The following PLD5 variants were observed in gnomAD, a reference collection of about 807,000 sequenced individuals.
PLD5 encodes the protein phospholipase D family member 5.
A neutral mutation model predicts 61.1 loss-of-function variants in PLD5; 36 were observed. That is an observed-to-expected ratio of 0.59 (90% CI 0.45 to 0.78). PLD5 has a LOEUF of 0.78. PLD5 is among the 30% of genes least tolerant of loss of function. PLD5 has a pLI of 0.00. For synonymous variants in PLD5, 243 were observed against 242.8 expected (o/e 1.00, Z -0.01); for missense variants, 515 against 644.4 (o/e 0.80, Z 2.17).
chr1:242,267,706 C>T (rs554271961), intron 3 of PLD5, among the ~76,000 whole-genome samples: 1 of 150,154 alleles, frequency 6.7e-6, no homozygotes. Flanking sequence ...ATCAGGAGAC[C>T]CTGTCTCTAC....
intron 2 of PLD5, among the ~76,000 whole-genome samples, chr1:242,342,252 T>C (rs1195465967): frequency 6.6e-6 from 1 of 151,902 alleles, no homozygotes; most frequent in East Asian, 1.9e-4. Flanking sequence ...AGTGGTGGAG[T>C]AGCAACTGAA....
intron 1 of PLD5, among the ~76,000 whole-genome samples, chr1:242,432,759 G>C (rs1665786790): frequency 6.6e-6 from 1 of 152,004 alleles, no homozygotes; most frequent in African/African-American, 2.4e-5. Context: ...AATTAGATTT[G>C]TGATGTGGGA....
Position 242,089,717 on chromosome 1 carries a change from T to G in PLD5, c.*137A>C. ...CTAAGATATTGTTAGATAGGTATTA[T>G]GTGTTGTTCAGAGAATATTTTTTAT... On this transcript the variant is annotated 3_prime_UTR_variant, in exon 10 of 10. Coordinates refer to ENST00000536534, the MANE Select transcript of PLD5 (RefSeq NM_001372062.1). 1 of 1,100,662 alleles carries G rather than the reference T, an allele frequency of 9.1e-7. No homozygotes were observed. Among genetic ancestry groups the G allele is most frequent in the Non-Finnish European group, 1.3e-6 (1 of 758,626 alleles). 68.2% of individuals were successfully genotyped at this position (1,100,662 alleles called of 1,614,324 possible). A position where few individuals can be genotyped will look rare whatever the true frequency, so the allele number is the denominator to read the frequency against.
intron 1 of PLD5, among the ~76,000 whole-genome samples, chr1:242,425,639 CTTTTTT>C (rs35709516): frequency 0.069 from 8,952 of 129,774 alleles, 254 homozygotes; most frequent in African/African-American, 0.12. Context: ...CTTACTGTAA[CTTTTTT>C]TTTTTTTTTT....
At chr1:242,094,607 T>A (rs1401276800) in intron 9 of PLD5, among the ~76,000 whole-genome samples, 2 of 152,176 alleles carry the variant, frequency 1.3e-5, no homozygotes, top group Non-Finnish European at 2.9e-5. Flanking sequence ...TGTGCTTCAG[T>A]CTAGGGAATT....
intron 1 of PLD5, among the ~76,000 whole-genome samples, chr1:242,470,348 A>G (rs1260096307): frequency 7.4e-6 from 1 of 134,852 alleles, no homozygotes; most frequent in Non-Finnish European, 1.6e-5. Flanking sequence ...TCTCAAAGAA[A>G]AAAAAAAAAG....
chr1:242,293,922 T>G (rs181297894), intron 2 of PLD5, among the ~76,000 whole-genome samples: 226 of 152,338 alleles, frequency 1.5e-3, no homozygotes, highest in African/African-American at 5.2e-3. Context: ...ATAGTTTTAT[T>G]TCTTTTAAAA....
chr1:242,321,829 A>C (rs972823757), intron 2 of PLD5, among the ~76,000 whole-genome samples: 1 of 151,964 alleles, frequency 6.6e-6, no homozygotes, highest in African/African-American at 2.4e-5. Context: ...CAATTAATCA[A>C]CCTTTTGTGA....
intron 1 of PLD5, among the ~76,000 whole-genome samples, chr1:242,447,526 C>T (rs1360858083): frequency 6.6e-6 from 1 of 152,152 alleles, no homozygotes; most frequent in Admixed American, 6.5e-5. Flanking sequence ...CTAGGTGGTC[C>T]CTGTTAAATT....
At chr1:242,107,981 A>G in intron 7 of PLD5, 142 bp from the exon 8 acceptor site, 1 of 760,398 alleles carries the variant, frequency 1.3e-6, no homozygotes, top group African/African-American at 1.8e-5. Flanking sequence ...GGAGAGGCTG[A>G]AAAACATACA....
At chr1:242,234,714 G>T (rs905742601) in intron 4 of PLD5, among the ~76,000 whole-genome samples, 1 of 152,128 alleles carries the variant, frequency 6.6e-6, no homozygotes, top group Non-Finnish European at 1.5e-5. Flanking sequence ...CCCTGGACGT[G>T]TGGGCACCAG....
upstream of PLD5, among the ~76,000 whole-genome samples, chr1:242,524,960 G>C (rs965240625): frequency 6.6e-5 from 10 of 151,990 alleles, no homozygotes; most frequent in Admixed American, 4.6e-4. Flanking sequence ...GCGCCTCCTC[G>C]GTCCTGCTGG....
At chr1:242,400,024 C>T (rs950082999) in intron 1 of PLD5, among the ~76,000 whole-genome samples, 9 of 152,126 alleles carry the variant, frequency 5.9e-5, no homozygotes, top group East Asian at 1.9e-4. Flanking sequence ...CAAAATCAGC[C>T]GGGCTTGGTG....
intron 2 of PLD5, among the ~76,000 whole-genome samples, chr1:242,301,827 GA>G (rs1277225610): frequency 2.0e-5 from 3 of 149,658 alleles, no homozygotes; most frequent in Non-Finnish European, 4.4e-5. Flanking sequence ...ACCCAGGCTG[GA>G]GTGCAATGGT....
chr1:242,254,618 C>G (rs1053021729), intron 4 of PLD5, among the ~76,000 whole-genome samples: 2 of 152,072 alleles, frequency 1.3e-5, no homozygotes, highest in Non-Finnish European at 1.5e-5. Flanking sequence ...TGCAGTGAGC[C>G]AATATCACAC....
chr1:242,294,613 G>A (rs575065192), intron 2 of PLD5, among the ~76,000 whole-genome samples: 2 of 152,136 alleles, frequency 1.3e-5, no homozygotes, highest in South Asian at 2.1e-4. Flanking sequence ...AGCTCTGCCA[G>A]TTATGAGCTG....
chr1:242,112,319 G>GTC (rs1553301145), intron 7 of PLD5, among the ~76,000 whole-genome samples: 13 of 94,516 alleles, frequency 1.4e-4, no homozygotes, highest in Non-Finnish European at 2.1e-4. Flanking sequence ...GTGTGTGTGT[G>GTC]TGTGTATGTA....
At chr1:242,098,164 T>C (rs1221206680) in intron 9 of PLD5, among the ~76,000 whole-genome samples, 3 of 152,222 alleles carry the variant, frequency 2.0e-5, no homozygotes, top group Non-Finnish European at 4.4e-5. Context: ...TTTTCCAACT[T>C]GGTTCCATTC....
At chr1:242,117,405 G>A (rs1188837831) in intron 6 of PLD5, among the ~76,000 whole-genome samples, 1 of 150,580 alleles carries the variant, frequency 6.6e-6, no homozygotes, top group Non-Finnish European at 1.5e-5. Flanking sequence ...TTTTTTAGAT[G>A]GAGTCTTGCT....
Sources: gnomAD v4.1 joint callset for allele counts (sites outside exome capture counted in the v4.1 genomes callset) on GRCh38, gnomAD v4.1.1 for gene constraint, MANE v1.5 for transcripts, NCBI Gene and HGNC (gene_info 2026-07-23, HGNC 2026-07-21) for gene names.